Variants in CAD observed in about 807,000 individuals in gnomAD.
The protein encoded by CAD is carbamoyl-phosphate synthetase 2, aspartate transcarbamylase, and dihydroorotase.
CAD carries 81 observed loss-of-function variants against 237.2 expected under a neutral mutation model. That is an observed-to-expected ratio of 0.34 (90% CI 0.29 to 0.41). The LOEUF (loss-of-function observed/expected upper bound fraction) is 0.41. Ranked by LOEUF, CAD falls within the 10% of genes least tolerant of loss-of-function variation. The pLI is 1.00. For missense variants in CAD, 2,181 were observed against 2,951.7 expected, an observed-to-expected ratio of 0.74 and a Z score of 6.05; for synonymous variants, 1,196 against 1,162.8, an observed-to-expected ratio of 1.03 and a Z score of -0.58.
Position 27,232,214 on chromosome 2 carries a change from G to A in CAD, c.2635G>A (p.Ala879Thr). Residue 879 changes from alanine to threonine, a missense_variant, in exon 17 of 44, where the codon GCA becomes ACA. Ala to Thr is a moderately conservative substitution (Grantham distance 58, BLOSUM62 0). Coordinates refer to ENST00000264705, the MANE Select transcript of CAD (RefSeq NM_004341.5). The surrounding 1 kb of genome is among the most constrained non-coding windows in gnomAD (Gnocchi z 4.1). ...CTTCTCAGACAAACAGATTGCCCTT[G>A]CAGTTCTGAGGTCAGAGGTGGCAAT... Reference protein sequence around the residue: ...LGFSDKQIALAVLSTELAVRK... With the variant: ...LGFSDKQIALTVLSTELAVRK... 2 of 1,614,036 alleles carry A rather than the reference G, an allele frequency of 1.2e-6. No individual in the cohort carries two copies. The highest frequency in any genetic ancestry group is 8.5e-7 in the Non-Finnish European group (1 of 1,180,034).
At chr2:27,231,603 C>A in intron 16 of CAD, 23 bp downstream of exon 16, 1 of 1,419,274 alleles carries the variant, frequency 7.0e-7, no homozygotes, top group Non-Finnish European at 1.0e-6. Context: ...CCTCCCCTGG[C>A]AATACCCCTA....
At chr2:27,227,524 G>C (rs1572431754) in intron 15 of CAD, 1 of 152,326 alleles carries the variant, frequency 6.6e-6, no homozygotes, top group Non-Finnish European at 1.5e-5. Flanking sequence ...AGCAGTAGTG[G>C]CCTTTAAACA....
rs1558546700 is a variant in CAD at position 27,242,258 on chromosome 2, G to A, written c.6097-44G>A. ...CAGAAGAGGGGGACTGGCAGTTGGGGGGCCTCTGAGCTGCAAAAGACAGGA... is the reference window on the plus strand; with the variant it reads ...CAGAAGAGGGGGACTGGCAGTTGGGAGGCCTCTGAGCTGCAAAAGACAGGA... On this transcript the variant is annotated intron_variant, in intron 39 of 43. Coordinates refer to ENST00000264705, the MANE Select transcript of CAD (RefSeq NM_004341.5). This position sits in a 1 kb window ranked among gnomAD's most constrained non-coding sequence, Gnocchi z 6.4. 6.3e-7 allele frequency: 1 copy of A among 1,587,476 alleles called. No individual in the cohort carries two copies.
chr2:27,236,869 A>G lies in CAD; in HGVS notation c.4396+39A>G. 1 of 1,560,822 alleles carries G rather than the reference A, an allele frequency of 6.4e-7. No individual in the cohort carries two copies. The highest frequency in any genetic ancestry group is 8.8e-7 in the Non-Finnish European group (1 of 1,131,482). On this transcript the variant is annotated intron_variant, in intron 27 of 43. Coordinates refer to ENST00000264705, the MANE Select transcript of CAD (RefSeq NM_004341.5). The surrounding 1 kb of genome is among the most constrained non-coding windows in gnomAD (Gnocchi z 4.1). ...GAGAACTTGGCTTCTGAACACTGGC[A>G]GCCCCTGGCATAGAGACCTGCAGTG... is the stretch of plus-strand genomic sequence containing the variant.
chr2:27,240,971 GAC>G lies in CAD; in HGVS notation c.5638+23_5638+24del. On this transcript the variant is annotated intron_variant, in intron 36 of 43. Coordinates refer to ENST00000264705, the MANE Select transcript of CAD (RefSeq NM_004341.5). The surrounding 1 kb of genome is among the most constrained non-coding windows in gnomAD (Gnocchi z 4.6). ...GCCGAGCCAGGTGAGACTCCACCCT[GAC>G]ACACACTCACCTCGGGGACCTCTGA... 4 of 1,614,082 alleles carry G rather than the reference GAC, an allele frequency of 2.5e-6. No individual in the cohort carries two copies. The highest frequency in any genetic ancestry group is 1.3e-5 in the African/African-American group (1 of 75,008).
rs1675975632 is a variant in CAD, at chr2:27,235,867, C to A, written c.4074+227C>A. On this transcript the variant is annotated intron_variant, in intron 25 of 43. Transcript: ENST00000264705. The surrounding 1 kb of genome is among the most constrained non-coding windows in gnomAD (Gnocchi z 5.2). ...CTCCAGCTTGGGAAACAGTGAGATG[C>A]TGTCTCAAAAAAAAAAAAAACAAAG... 10 of 473,218 alleles carry A rather than the reference C, an allele frequency of 2.1e-5. No homozygotes were observed. The highest frequency in any genetic ancestry group is 1.9e-4 in the South Asian group (6 of 31,500). 29.3% of individuals were successfully genotyped at this position (473,218 alleles called of 1,614,324 possible).
intron 30 of CAD, 91 bp downstream of exon 30, chr2:27,238,278 GGA>G (rs1676121546): frequency 4.6e-6 from 7 of 1,507,876 alleles, no homozygotes; most frequent in Non-Finnish European, 6.3e-6. Flanking sequence ...GACAGCAGGA[GGA>G]GAGTCTGGAG....
At chr2:27,225,363 G>A (rs1025214943) in intron 11 of CAD, 120 bp downstream of exon 11, 11 of 627,996 alleles carry the variant, frequency 1.8e-5, no homozygotes, top group Non-Finnish European at 2.7e-5. Flanking sequence ...CTGGAGTACA[G>A]TGGCGTGATC....
In CAD at chr2:27,234,497, G is replaced by T; in HGVS notation, c.3619-21G>T. ...AGCAAGGCCAACCTGCAGAAGGCCT[G>T]ACCAGTCTTCTCTGCCCCAGGATGA... On this transcript the variant is annotated intron_variant, in intron 22 of 43. Coordinates refer to ENST00000264705, the MANE Select transcript of CAD (RefSeq NM_004341.5). 3 of 1,611,660 alleles carry T rather than the reference G, an allele frequency of 1.9e-6. No individual in the cohort carries two copies. In the South Asian group the frequency reaches 3.3e-5, roughly 18 times the overall value.
At position 27,231,919 on chromosome 2, in the gene CAD, T is replaced by TA. The variant is rs138932902; in HGVS notation, c.2401-60dup. On this transcript the variant is annotated intron_variant, in intron 16 of 43. Transcript: ENST00000264705. Reference sequence around the variant, plus strand: ...CCTTCCTGAGACAAGAGCAGCTACTTACGCTCAGGCTTTTAGATGGGCTGG... The same window carrying TA: ...CCTTCCTGAGACAAGAGCAGCTACTTAACGCTCAGGCTTTTAGATGGGCTGG... 1,053 of 1,603,268 alleles carry TA rather than the reference T, an allele frequency of 6.6e-4. 3 individuals carry two copies. The African/African-American group carries it at 0.012, about 19-fold the overall frequency.
chr2:27,238,745 C>T (rs1676149006), intron 31 of CAD, 113 bp downstream of exon 31: 11 of 974,440 alleles, frequency 1.1e-5, no homozygotes, highest in Non-Finnish European at 1.7e-5. Flanking sequence ...GGGTCTTGAT[C>T]CGTATGGGAC....
Position 27,217,625 on chromosome 2 carries a change from G to C in CAD, c.74G>C (p.Gly25Ala). ...QPFGAAVSTA[G>A]EVVFQTGMVG... ...TTTGGGGCCGCCGTGTCGACTGCCG[G>C]GGAAGTGGGTAAGCAAGCCCGGTTA... is the stretch of plus-strand genomic sequence containing the variant. Residue 25 changes from glycine (G) to alanine (A), a missense_variant, in exon 1 of 44, where the codon GGG becomes GCG. By Grantham distance (60) the Gly-to-Ala change is moderately conservative. Coordinates refer to ENST00000264705, the MANE Select transcript of CAD (RefSeq NM_004341.5). 1 of 1,606,858 alleles carries C rather than the reference G, an allele frequency of 6.2e-7. No homozygotes were observed. Among genetic ancestry groups the C allele is most frequent in the African/African-American group, 1.3e-5 (1 of 74,684 alleles).
Position 27,241,887 on chromosome 2 carries a change from C to G in CAD, c.5884-24C>G, listed in dbSNP as rs766160183. ...CCCAGGGTGGACACGCATACGTACA[C>G]CTTCCATCTTGCTCTTTCCCTAGGG... On this transcript the variant is annotated intron_variant, in intron 38 of 43. Transcript: ENST00000264705. The surrounding 1 kb of genome is among the most constrained non-coding windows in gnomAD (Gnocchi z 4.6). 2 of 1,599,602 alleles carry G rather than the reference C, an allele frequency of 1.3e-6. No individual in the cohort carries two copies. The highest frequency in any genetic ancestry group is 2.2e-5 in the South Asian group (2 of 90,640).
Position 27,221,242 on chromosome 2 carries a change from G to T in CAD, c.247G>T (p.Val83Leu). ...GTGGTTTGAATCCTCGGGCATCCAC[G>T]TAGCAGCACTGGTAGTGGGAGAGTG... ...CKWFESSGIH[V>L]AALVVGECCP... Residue 83 changes from valine (V) to leucine (L), a missense_variant, in exon 3 of 44, where the codon GTA (valine) becomes TTA (leucine). This residue lies in a region of CAD where 314 missense variants were observed against 339.4 expected (regional missense o/e 0.93). Transcript: ENST00000264705. 6.4e-7 allele frequency: 1 copy of T among 1,567,816 alleles called. No individual in the cohort carries two copies. The highest frequency in any genetic ancestry group is 2.4e-5 in the East Asian group (1 of 42,400).
chr2:27,226,846 G>A lies in CAD; in HGVS notation c.2171G>A (p.Gly724Glu), dbSNP rs777961046. The A allele has an allele frequency of 3.1e-6, 5 of 1,614,054 alleles. No individual in the cohort carries two copies. The highest frequency in any genetic ancestry group is 2.2e-5 in the East Asian group (1 of 44,900). ...CTGGACCCCAGGAACTCTGTGACAG[G>A]GGGTACAGCAGCCTTTGAACCCAGC... Reference protein sequence around the residue: ...PLPELRNSVTGGTAAFEPSVD... With the variant: ...PLPELRNSVTEGTAAFEPSVD... Residue 724 changes from glycine to glutamate, a missense_variant, in exon 15 of 44, where the codon GGG (glycine) becomes GAG (glutamate). Physicochemically the swap from Gly to Glu is moderately conservative, Grantham distance 98. Transcript: ENST00000264705.
rs775807839 is a variant in CAD at position 27,242,442 on chromosome 2, A to G, written c.6222+15A>G. ...ATGGCATGACGGTGAGGGTGGTGGC[A>G]GGGTTTGGATCCCTGCCAGGGGACG... On this transcript the variant is annotated intron_variant, in intron 40 of 43. Coordinates refer to ENST00000264705, the MANE Select transcript of CAD (RefSeq NM_004341.5). This position sits in a 1 kb window ranked among gnomAD's most constrained non-coding sequence, Gnocchi z 6.4. 1.9e-6 allele frequency: 3 copies of G among 1,611,464 alleles called. No homozygotes were observed. The East Asian group carries it at 6.7e-5, about 36-fold the overall frequency.
chr2:27,231,298 G>A (rs181938128), intron 15 of CAD, among the ~76,000 whole-genome samples, 170 bp from the exon 16 acceptor site: 39 of 152,288 alleles, frequency 2.6e-4, no homozygotes, highest in African/African-American at 8.4e-4. Flanking sequence ...GAGCCACTGC[G>A]CCCGGCCATT....
In CAD at chr2:27,237,693, C is replaced by A; in HGVS notation, c.4564-25C>A. On this transcript the variant is annotated intron_variant, in intron 28 of 43. Coordinates refer to ENST00000264705, the MANE Select transcript of CAD (RefSeq NM_004341.5). The surrounding 1 kb of genome is among the most constrained non-coding windows in gnomAD (Gnocchi z 4.0). ...CTGTGTGGGCATGGGTGCCAGTGAG[C>A]CTTACCTCTGTGTATCCTCTCCAGC... The A allele has an allele frequency of 6.2e-7, 1 of 1,604,076 alleles. No homozygotes were observed. Among genetic ancestry groups the A allele is most frequent in the South Asian group, 1.1e-5 (1 of 89,150 alleles).
In CAD at chr2:27,237,839, CCTT is replaced by C. The variant is rs767694758; in HGVS notation, c.4688_4690del (p.Phe1563del). 1.3e-4 allele frequency: 211 copies of C among 1,613,998 alleles called. No individual in the cohort carries two copies. Among genetic ancestry groups the C allele is most frequent in the South Asian group, 6.4e-4 (58 of 91,026 alleles). The stretch of plus-strand genomic sequence containing the variant: ...GGGCTGAAGCTTTACCTCAATGAGA[CCTT>C]CTCTGAGCTGCGGCTGGACAGCGTG... On this transcript the variant is annotated inframe_deletion, in exon 29 of 44. Transcript: ENST00000264705. This position sits in a 1 kb window ranked among gnomAD's most constrained non-coding sequence, Gnocchi z 4.0.
Sources: allele counts gnomAD v4.1 joint callset (sites outside exome capture counted in the v4.1 genomes callset), GRCh38; gene constraint gnomAD v4.1.1; regional missense constraint gnomAD v4.1.1; non-coding constraint Gnocchi (gnomAD v3.1); transcripts MANE v1.5; gene names NCBI Gene and HGNC (gene_info 2026-07-23, HGNC 2026-07-21).